Variants in L3MBTL1 observed in about 807,000 individuals in gnomAD.
L3MBTL1 encodes L3MBTL histone methyl-lysine binding protein 1.
In L3MBTL1, 75 loss-of-function variants were observed where a neutral mutation model predicts 105.3. That is an observed-to-expected ratio of 0.71 (90% CI 0.59 to 0.86). L3MBTL1 has a LOEUF of 0.86. Ranked by LOEUF, L3MBTL1 falls within the 40% of genes least tolerant of loss-of-function variation. The probability of loss-of-function intolerance (pLI) is 0.00; values close to 1 mark genes in which losing one functional copy is unlikely to be tolerated. For missense variants in L3MBTL1, 1,069 were observed against 1,126.4 expected (o/e 0.95, Z 0.73); for synonymous variants, 452 against 436.2 (o/e 1.04, Z -0.45).
At chr20:43,534,664 C>T in intron 15 of L3MBTL1, 164 bp from the exon 16 acceptor site, 1 of 618,398 alleles carries the variant, frequency 1.6e-6, no homozygotes, top group Non-Finnish European at 2.8e-6. Flanking sequence ...TGAGTGATGC[C>T]CTTGGAAAAT....
chr20:43,514,400 G>A, intron 3 of L3MBTL1: 1 of 1,434,648 alleles, frequency 7.0e-7, no homozygotes. Flanking sequence ...GTGGGAGCCT[G>A]GGGGCGTGGC....
rs2018195161 is a variant in L3MBTL1, at chr20:43,513,532, TGAG to T, written c.32_34del (p.Arg11del). 1 of 1,550,692 alleles carries T rather than the reference TGAG, an allele frequency of 6.4e-7. No homozygotes were observed. Among genetic ancestry groups the T allele is most frequent in the African/African-American group, 1.4e-5 (1 of 73,052 alleles). On this transcript the variant is annotated inframe_deletion, in exon 2 of 22. Transcript: ENST00000418998. ...GAGGGGCATGCTGAAATGGAGATGC[TGAG>T]GACACTGAAGGGGCCTTCCACAGGG...
intron 1 of L3MBTL1, among the ~76,000 whole-genome samples, chr20:43,510,406 C>CTTTTT (rs11476429): frequency 1.6e-4 from 21 of 127,548 alleles, no homozygotes; most frequent in East Asian, 1.6e-3. Flanking sequence ...TTCTTTCTTT[C>CTTTTT]TTTTTTTTTT....
downstream of L3MBTL1, among the ~76,000 whole-genome samples, chr20:43,545,750 T>C (rs1323858616): frequency 6.6e-6 from 1 of 152,226 alleles, no homozygotes; most frequent in African/African-American, 2.4e-5. Flanking sequence ...TACTAGACTT[T>C]CATTTTCTTT....
intron 21 of L3MBTL1, 54 bp downstream of exon 21, chr20:43,540,869 G>A (rs372243915): frequency 7.0e-5 from 113 of 1,612,536 alleles, no homozygotes; most frequent in African/African-American, 4.7e-4. Context: ...TCCTTAAGAC[G>A]GCAGGAAGCA....
intron 7 of L3MBTL1, among the ~76,000 whole-genome samples, chr20:43,523,034 G>A (rs1184501512): frequency 6.6e-6 from 1 of 151,692 alleles, no homozygotes; most frequent in Non-Finnish European, 1.5e-5. Context: ...CTTGAACCTG[G>A]GAAACGGAGG....
At chr20:43,514,342 G>A (rs1039562982) in intron 3 of L3MBTL1, 1 of 1,179,536 alleles carries the variant, frequency 8.5e-7, no homozygotes, top group Non-Finnish European at 1.2e-6. Flanking sequence ...GTGGGCCTGT[G>A]TTAGTTTGGG....
intron 6 of L3MBTL1, chr20:43,515,659 C>T (rs1212540250): frequency 5.7e-6 from 3 of 526,384 alleles, no homozygotes; most frequent in African/African-American, 5.7e-5. Flanking sequence ...AAGACATAGT[C>T]AGGTGAACTA....
intron 15 of L3MBTL1, 163 bp from the exon 16 acceptor site, chr20:43,534,665 C>A (rs959481290): frequency 6.5e-6 from 4 of 619,944 alleles, no homozygotes; most frequent in Admixed American, 2.9e-5. Context: ...GAGTGATGCC[C>A]TTGGAAAATG....
intron 19 of L3MBTL1, 34 bp downstream of exon 19, chr20:43,536,492 C>A: frequency 6.2e-7 from 1 of 1,609,482 alleles, no homozygotes; most frequent in Non-Finnish European, 8.5e-7. Flanking sequence ...ATGTCCTCCA[C>A]CACAGAGTGT....
chr20:43,509,069 G>A (rs913131317), intron 1 of L3MBTL1, among the ~76,000 whole-genome samples: 1 of 152,160 alleles, frequency 6.6e-6, no homozygotes, highest in African/African-American at 2.4e-5. Context: ...TCACTTCATG[G>A]CAGACTCCTT....
chr20:43,544,008 T>C (rs1337125740), downstream of L3MBTL1, among the ~76,000 whole-genome samples: 2 of 152,122 alleles, frequency 1.3e-5, no homozygotes, highest in Non-Finnish European at 2.9e-5. Context: ...GAGACAGAAT[T>C]GTAAGTTGTT....
chr20:43,538,717 CT>C (rs2019757501), intron 19 of L3MBTL1, among the ~76,000 whole-genome samples: 1 of 152,210 alleles, frequency 6.6e-6, no homozygotes, highest in Non-Finnish European at 1.5e-5. Flanking sequence ...GACACTGTAA[CT>C]GCTGGTAAGC....
At chr20:43,515,219 T>C in intron 5 of L3MBTL1, 60 bp downstream of exon 5, 1 of 1,613,774 alleles carries the variant, frequency 6.2e-7, no homozygotes, top group South Asian at 1.1e-5. Flanking sequence ...GCCTCATTCC[T>C]GTTCAGGGGT....
At chr20:43,524,466 A>G (rs1466460613) in intron 7 of L3MBTL1, among the ~76,000 whole-genome samples, 1 of 152,216 alleles carries the variant, frequency 6.6e-6, no homozygotes, top group Admixed American at 6.5e-5. Flanking sequence ...TTGCAGAAAT[A>G]GATATGTCAA....
rs2018196782 is a variant in L3MBTL1 at position 43,513,573 on chromosome 20, CACTTGGTGGCCGGAG to C, written c.73_87del (p.Leu25_Asp29del). 6.4e-7 allele frequency: 1 copy of C among 1,550,652 alleles called. No homozygotes were observed. The highest frequency in any genetic ancestry group is 1.4e-5 in the African/African-American group (1 of 73,150). The stretch of plus-strand genomic sequence containing the variant: ...GCCTTCCACAGGGGAGGTCAGCATG[CACTTGGTGGCCGGAG>C]ACAGCCCCGGTTCTGGTCCTCACCT... On this transcript the variant is annotated inframe_deletion, in exon 2 of 22. Transcript: ENST00000418998.
chr20:43,514,191 T>G, intron 3 of L3MBTL1, 130 bp downstream of exon 3: 1 of 864,552 alleles, frequency 1.2e-6, no homozygotes, highest in Non-Finnish European at 1.8e-6. Context: ...GGGGTGGGCT[T>G]TGAGTGAGGG....
chr20:43,526,937 ACT>A (rs1225265149), intron 7 of L3MBTL1, among the ~76,000 whole-genome samples: 3 of 152,166 alleles, frequency 2.0e-5, no homozygotes, highest in South Asian at 4.1e-4. Flanking sequence ...ACAGAGTGAG[ACT>A]CTGTCTCAAA....
chr20:43,549,814 A>C (rs963277913), exon 19 of L3MBTL1: 1 of 152,168 alleles, frequency 6.6e-6, no homozygotes, highest in Non-Finnish European at 1.5e-5. Context: ...GAAAATGCCA[A>C]GGGCTATTAT....
Sources: gnomAD v4.1 joint callset for allele counts (sites outside exome capture counted in the v4.1 genomes callset) on GRCh38, gnomAD v4.1.1 for gene constraint, MANE v1.5 for transcripts, NCBI Gene and HGNC (gene_info 2026-07-23, HGNC 2026-07-21) for gene names.